The following LOC128462377 variants were observed in gnomAD, a reference collection of about 807,000 sequenced individuals.
the LOC128462377 span, among the ~76,000 whole-genome samples, chr16:89,318,641 C>T: frequency 6.6e-6 from 1 of 152,244 alleles, no homozygotes; most frequent in Non-Finnish European, 1.5e-5. Flanking sequence ...ATGCCACCTG[C>T]CCCTGGACGC....
chr16:89,342,459 C>T, the LOC128462377 span, among the ~76,000 whole-genome samples: 1 of 152,336 alleles, frequency 6.6e-6, no homozygotes, highest in South Asian at 2.1e-4. Flanking sequence ...AGAACTCGCC[C>T]AACAGGAACA....
the LOC128462377 span, among the ~76,000 whole-genome samples, chr16:89,382,902 A>G: frequency 6.6e-6 from 1 of 151,684 alleles, no homozygotes; most frequent in Non-Finnish European, 1.5e-5. Context: ...GTGCAGCAGC[A>G]TGATCTCGGC....
chr16:89,343,043 G>A, the LOC128462377 span, among the ~76,000 whole-genome samples: 3 of 152,174 alleles, frequency 2.0e-5, no homozygotes, highest in Admixed American at 6.5e-5. Flanking sequence ...TATTTGAGAC[G>A]CAGTCTTGCT....
chr16:89,340,892 G>A, the LOC128462377 span, among the ~76,000 whole-genome samples: 15 of 152,262 alleles, frequency 9.9e-5, no homozygotes, highest in South Asian at 2.1e-3. Flanking sequence ...CCTGAAAAAC[G>A]TTTAGGAAGG....
chr16:89,323,756 T>G, the LOC128462377 span: 1 of 256,532 alleles, frequency 3.9e-6, no homozygotes, highest in South Asian at 4.0e-5. Context: ...TCTCTCTCCT[T>G]CCTCCTCAGG....
the LOC128462377 span, among the ~76,000 whole-genome samples, chr16:89,388,292 G>GTTTTTTTTTTT: frequency 4.9e-5 from 3 of 61,066 alleles, 1 homozygote; most frequent in Non-Finnish European, 3.9e-5. Context: ...CCATGAGGCT[G>GTTTTTTTTTTT]ATTTTTTTTT....
the LOC128462377 span, among the ~76,000 whole-genome samples, chr16:89,397,683 T>G: frequency 6.6e-6 from 1 of 152,196 alleles, no homozygotes; most frequent in Non-Finnish European, 1.5e-5. Flanking sequence ...ACAGTGTGCT[T>G]TTGTGGATGC....
At chr16:89,372,262 C>T in the LOC128462377 span, among the ~76,000 whole-genome samples, 4 of 152,236 alleles carry the variant, frequency 2.6e-5, no homozygotes, top group Admixed American at 1.3e-4. Context: ...GCAGCCCGAG[C>T]CTCTCACTGA....
At chr16:89,379,947 A>G in the LOC128462377 span, among the ~76,000 whole-genome samples, 1 of 152,220 alleles carries the variant, frequency 6.6e-6, no homozygotes, top group African/African-American at 2.4e-5. Flanking sequence ...ATTTCTCAAA[A>G]CACACACTTT....
At chr16:89,391,731 G>C in the LOC128462377 span, among the ~76,000 whole-genome samples, 4 of 152,186 alleles carry the variant, frequency 2.6e-5, no homozygotes, top group Non-Finnish European at 5.9e-5. Flanking sequence ...ACACTTGTAA[G>C]AAGTAAAGCA....
chr16:89,352,045 C>G, the LOC128462377 span, among the ~76,000 whole-genome samples: 11 of 152,170 alleles, frequency 7.2e-5, no homozygotes, highest in Admixed American at 7.2e-4. Context: ...ATGACAGGCA[C>G]AAGCCACCAG....
At chr16:89,334,144 TAAAAAA>T in the LOC128462377 span, among the ~76,000 whole-genome samples, 69 of 41,418 alleles carry the variant, frequency 1.7e-3, 1 homozygote, top group African/African-American at 6.2e-3. Flanking sequence ...CCCTGTGTTT[TAAAAAA>T]AAAAAAAAAA....
At chr16:89,383,158 G>C in the LOC128462377 span, among the ~76,000 whole-genome samples, 2 of 152,238 alleles carry the variant, frequency 1.3e-5, no homozygotes, top group South Asian at 4.1e-4. Context: ...CCAAACAGCC[G>C]CCTGTGCTGC....
chr16:89,319,962 C>A, the LOC128462377 span: 1 of 152,382 alleles, frequency 6.6e-6, no homozygotes, highest in Non-Finnish European at 1.5e-5. Flanking sequence ...AGGCTCAGGG[C>A]TGGTCAGCCT....
the LOC128462377 span, chr16:89,324,795 G>A: frequency 1.0e-5 from 3 of 289,070 alleles, no homozygotes; most frequent in South Asian, 5.9e-5. Context: ...TTGGCTTCCC[G>A]ACTTTTGAGG....
the LOC128462377 span, among the ~76,000 whole-genome samples, chr16:89,410,290 T>C: frequency 1.3e-5 from 2 of 152,234 alleles, no homozygotes; most frequent in Admixed American, 1.3e-4. Flanking sequence ...CCCCAAAAGC[T>C]GTAGTTAGTA....
chr16:89,401,799 G>A, the LOC128462377 span, among the ~76,000 whole-genome samples: 1 of 152,154 alleles, frequency 6.6e-6, no homozygotes, highest in Non-Finnish European at 1.5e-5. Context: ...GGAGAACGCT[G>A]GGTGAAGAGG....
chr16:89,369,934 ACACGGGGGGCCCAGCC>A, the LOC128462377 span, among the ~76,000 whole-genome samples: 2 of 152,168 alleles, frequency 1.3e-5, no homozygotes, highest in Admixed American at 6.5e-5. Flanking sequence ...CAAAAACCAA[ACACGGGGGGCCCAGCC>A]CACCTCAAAC....
the LOC128462377 span, among the ~76,000 whole-genome samples, chr16:89,385,252 C>T: frequency 2.0e-5 from 3 of 151,486 alleles, no homozygotes; most frequent in Admixed American, 1.3e-4. Flanking sequence ...TGCAATGGCC[C>T]GTCTCAGCTC....
Sources: gnomAD v4.1 joint callset for allele counts (sites outside exome capture counted in the v4.1 genomes callset) on GRCh38, gnomAD v4.1.1 for gene constraint, MANE v1.5 for transcripts.